Variants in CPXM2 observed in about 807,000 individuals in gnomAD.
CPXM2 encodes inactive carboxypeptidase-like protein X2.
A neutral mutation model predicts 86.1 loss-of-function variants in CPXM2; 66 were observed. That is an observed-to-expected ratio of 0.77 (90% confidence interval 0.63 to 0.94). The LOEUF (loss-of-function observed/expected upper bound fraction) is 0.94. Among genes scored for constraint, CPXM2 ranks in the 40% least tolerant of loss-of-function variants. CPXM2 has a pLI of 0.00. For synonymous variants in CPXM2, 388 were observed against 400.2 expected, an observed-to-expected ratio of 0.97 and a Z score of 0.36; for missense variants, 948 against 1,026.3, an observed-to-expected ratio of 0.92 and a Z score of 1.04.
At chr10:123,785,905 T>A (rs1471317596) in intron 6 of CPXM2, among the ~76,000 whole-genome samples, 1 of 152,164 alleles carries the variant, frequency 6.6e-6, no homozygotes, top group Non-Finnish European at 1.5e-5. Flanking sequence ...AGTGCTGGGA[T>A]TACAGGTGTA....
intron 3 of CPXM2, among the ~76,000 whole-genome samples, chr10:123,844,948 A>G (rs1848467931): frequency 3.3e-5 from 5 of 151,760 alleles, no homozygotes; most frequent in Admixed American, 3.3e-4. Flanking sequence ...CACGTCTGTA[A>G]CCCTAGCTAC....
chr10:123,807,566 A>C (rs566636409), intron 4 of CPXM2, among the ~76,000 whole-genome samples: 28 of 152,318 alleles, frequency 1.8e-4, no homozygotes, highest in Middle Eastern at 3.4e-3. Flanking sequence ...TGATGAAGAC[A>C]AGGAAGTAAT....
chr10:123,751,847 G>A, intron 13 of CPXM2: 1 of 985,172 alleles, frequency 1.0e-6, no homozygotes, highest in Non-Finnish European at 1.2e-6. Context: ...AGAATACACT[G>A]GGAAATTATT....
intron 2 of CPXM2, among the ~76,000 whole-genome samples, chr10:123,864,784 G>A (rs1018409167): frequency 7.9e-5 from 12 of 152,132 alleles, no homozygotes; most frequent in African/African-American, 1.2e-4. Flanking sequence ...AAAAGAGCAC[G>A]ACTCCTATGC....
chr10:123,886,884 G>A (rs1945184965), intron 1 of CPXM2: 1 of 152,182 alleles, frequency 6.6e-6, no homozygotes, highest in Non-Finnish European at 1.5e-5. Context: ...GAATATGGCT[G>A]CAAACCAGGG....
chr10:123,855,000 C>T (rs1848689086), intron 3 of CPXM2, among the ~76,000 whole-genome samples: 2 of 151,696 alleles, frequency 1.3e-5, no homozygotes, highest in South Asian at 4.2e-4. Context: ...TTACATTGTC[C>T]TTCTACCGGC....
chr10:123,880,317 G>A lies in CPXM2; in HGVS notation c.305-8C>T. On this transcript the variant is annotated splice_polypyrimidine_tract_variant and splice_region_variant and intron_variant, in intron 1 of 13. Transcript: ENST00000241305. ...TTTTGTTGCTGTGTTTACCTAAAGG[G>A]GGAGAGAGAGATGCCTTTACTTTCA... The A allele has an allele frequency of 7.9e-7, 1 of 1,271,322 alleles. No homozygotes were observed. 78.8% of individuals were successfully genotyped at this position (1,271,322 alleles called of 1,614,324 possible). A position where few individuals can be genotyped will look rare whatever the true frequency, so the allele number is the denominator to read the frequency against.
At chr10:123,942,563 T>A (rs1421917139), upstream of CPXM2, among the ~76,000 whole-genome samples, 1 of 152,194 alleles carries the variant, frequency 6.6e-6, no homozygotes, top group East Asian at 1.9e-4. Context: ...CATTGCCACA[T>A]CTGGAAGTTA....
At chr10:123,791,142 G>A (rs974770325) in intron 6 of CPXM2, among the ~76,000 whole-genome samples, 6 of 152,120 alleles carry the variant, frequency 3.9e-5, no homozygotes, top group South Asian at 2.1e-4. Flanking sequence ...GAAATGGCAC[G>A]GTGGCTCACA....
chr10:123,942,829 T>C (rs7919395), upstream of CPXM2, among the ~76,000 whole-genome samples: 51,228 of 152,196 alleles, frequency 0.34, 9,185 homozygotes, highest in African/African-American at 0.43. Context: ...CCAAGAACCC[T>C]CTCTTGGGGT....
chr10:123,792,968 G>A (rs1198613369), intron 6 of CPXM2, among the ~76,000 whole-genome samples: 2 of 152,188 alleles, frequency 1.3e-5, no homozygotes, highest in Non-Finnish European at 2.9e-5. Context: ...AGAAACCCTA[G>A]GGAAGGAGGA....
intron 12 of CPXM2, among the ~76,000 whole-genome samples, chr10:123,756,007 G>C (rs1396067026): frequency 6.6e-6 from 1 of 152,232 alleles, no homozygotes; most frequent in Non-Finnish European, 1.5e-5. Flanking sequence ...CTGTGCCAGA[G>C]CAGCTCACCG....
chr10:123,774,792 G>T (rs760809634), intron 7 of CPXM2, among the ~76,000 whole-genome samples: 1 of 152,174 alleles, frequency 6.6e-6, no homozygotes, highest in Admixed American at 6.5e-5. Flanking sequence ...ATCATAAACG[G>T]AGAAGCAACA....
At chr10:123,817,521 A>G (rs1190612381) in intron 4 of CPXM2, among the ~76,000 whole-genome samples, 1 of 152,214 alleles carries the variant, frequency 6.6e-6, no homozygotes, top group Non-Finnish European at 1.5e-5. Flanking sequence ...TCAACTGTCT[A>G]TCATGAACTA....
In CPXM2 at chr10:123,880,828, CAAAAA is replaced by C. The variant is rs71484548; in HGVS notation, c.305-524_305-520del. Among the ~76,000 whole-genome samples the C allele has an allele frequency of 9.3e-5, 5 of 54,006 alleles. 1 individual carries two copies. The highest frequency in any genetic ancestry group is 3.1e-4 in the African/African-American group (4 of 12,890). 35.4% of individuals were successfully genotyped at this position (54,006 alleles called of 152,430 possible). A position where few individuals can be genotyped will look rare whatever the true frequency, so the allele number is the denominator to read the frequency against. On this transcript the variant is annotated intron_variant, in intron 1 of 13. Coordinates refer to ENST00000241305, the MANE Select transcript of CPXM2 (RefSeq NM_198148.3). The stretch of plus-strand genomic sequence containing the variant: ...TGGGTGACAGAGCGAGATTCCGTCT[CAAAAA>C]AAAAAAAAAAAAAAAAAGACTGAAG...
intron 6 of CPXM2, among the ~76,000 whole-genome samples, chr10:123,794,717 A>T (rs1457850456): frequency 6.7e-6 from 1 of 148,888 alleles, no homozygotes; most frequent in African/African-American, 2.5e-5. Context: ...AATCATTTTT[A>T]TTTATTTATT....
chr10:123,781,631 T>C (rs1376967462), intron 6 of CPXM2, among the ~76,000 whole-genome samples: 1 of 152,132 alleles, frequency 6.6e-6, no homozygotes, highest in East Asian at 1.9e-4. Context: ...GTGGGGGCAG[T>C]AGGGGGCCGA....
chr10:123,936,198 C>G (rs1362538980), intron 2 of CPXM2, among the ~76,000 whole-genome samples: 4 of 114,578 alleles, frequency 3.5e-5, no homozygotes, highest in Non-Finnish European at 7.4e-5. Context: ...AAGATCAGCA[C>G]TATCATCCCC....
intron 4 of CPXM2, among the ~76,000 whole-genome samples, chr10:123,823,488 A>C (rs1001350103): frequency 6.6e-6 from 1 of 152,248 alleles, no homozygotes; most frequent in Admixed American, 6.5e-5. Context: ...CCAGTAAAAG[A>C]AAAAAGGTTG....
Sources: allele counts gnomAD v4.1 joint callset (sites outside exome capture counted in the v4.1 genomes callset), GRCh38; gene constraint gnomAD v4.1.1; transcripts MANE v1.5; gene names NCBI Gene and HGNC (gene_info 2026-07-23, HGNC 2026-07-21).